CIB3: variants seen among roughly 807,000 people sequenced by gnomAD.
CIB3 encodes the protein calcium and integrin binding family member 3.
In CIB3, 22 loss-of-function variants were observed where a neutral mutation model predicts 23.4. The ratio of observed to expected loss-of-function variants is 0.94; its 90% CI spans 0.67 to 1.34. The LOEUF (loss-of-function observed/expected upper bound fraction) is 1.34. Among genes scored for constraint, CIB3 ranks in the 40% most tolerant of loss-of-function variants. The pLI is 0.00. For synonymous variants in CIB3, 93 were observed against 95.8 expected (o/e 0.97, Z 0.17); for missense variants, 258 against 247.3 (o/e 1.04, Z -0.29).
At chr19:16,171,004 G>T (rs1479925853) in intron 2 of CIB3, among the ~76,000 whole-genome samples, 1 of 151,860 alleles carries the variant, frequency 6.6e-6, no homozygotes, top group African/African-American at 2.4e-5. Flanking sequence ...CAGGCGTGGT[G>T]GTGGGCGCCT....
At position 16,169,231 on chromosome 19, in the gene CIB3, C is replaced by G. The variant is rs375901781; in HGVS notation, c.198+399G>C. On this transcript the variant is annotated intron_variant, in intron 3 of 5. Coordinates refer to ENST00000269878, the MANE Select transcript of CIB3 (RefSeq NM_054113.4). ...AGATCTCTGCTCACTGCAACCTCCACCTCCTGAGTTCAAGCAATTCTCCTG... is the reference window on the plus strand; with the variant it reads ...AGATCTCTGCTCACTGCAACCTCCAGCTCCTGAGTTCAAGCAATTCTCCTG... 1.1e-4 allele frequency among the ~76,000 whole-genome samples: 16 copies of G among 152,150 alleles called. No homozygotes were observed. In the East Asian group the frequency reaches 1.3e-3, roughly 13 times the overall value.
chr19:16,170,717 G>T (rs1040504121), intron 2 of CIB3, among the ~76,000 whole-genome samples: 2 of 152,062 alleles, frequency 1.3e-5, no homozygotes, highest in African/African-American at 2.4e-5. Context: ...AACTACTCGG[G>T]AGGCCGAGGC....
At chr19:16,163,633 A>G (rs892318555) in intron 5 of CIB3, among the ~76,000 whole-genome samples, 1 of 152,238 alleles carries the variant, frequency 6.6e-6, no homozygotes, top group Non-Finnish European at 1.5e-5. Context: ...AATTCAAAAA[A>G]TAAAAAATAA....
intron 2 of CIB3, among the ~76,000 whole-genome samples, chr19:16,172,852 TGAG>T (rs893713739): frequency 6.6e-6 from 1 of 151,152 alleles, no homozygotes; most frequent in Non-Finnish European, 1.5e-5. Context: ...CTCGAGAGGC[TGAG>T]GTGGGAGGAT....
Position 16,168,145 on chromosome 19 carries a change from T to C in CIB3, c.338A>G (p.Lys113Arg). The change falls in exon 4 of 6, where the codon AAA (lysine) becomes AGA (arginine). Residue 113 changes from lysine to arginine, a missense_variant. Physicochemically the swap from Lys to Arg is conservative, Grantham distance 26. Transcript: ENST00000269878. ...CAGGGCCACGCACGCACCATAAATT[T>C]TAAAAGCATAGTAAGCCTTGAGGTC... ...PRDLKAYYAFKIYDFNNDDYI... is the reference protein window; with the variant it reads ...PRDLKAYYAFRIYDFNNDDYI... The C allele has an allele frequency of 2.5e-6, 4 of 1,608,348 alleles. No individual in the cohort carries two copies. The highest frequency in any genetic ancestry group is 3.4e-6 in the Non-Finnish European group (4 of 1,177,446).
At position 16,164,885 on chromosome 19, in the gene CIB3, C is replaced by T. The variant is rs772196505; in HGVS notation, c.375G>A (p.Ala125=). The T allele has an allele frequency of 2.4e-5, 39 of 1,613,974 alleles. 1 individual carries two copies. In the East Asian group the frequency reaches 4.2e-4, roughly 18 times the overall value. ...TGGTCACCGTCTGCTCCAGGTCCCA[C>T]GCACAAATGTAGTCGTCGTTGTTAA... The part of the protein sequence containing the change: ...YDFNNDDYIC[A]WDLEQTVTKL... The change falls in exon 5 of 6, where the codon GCG becomes GCA. Residue 125 remains alanine, a synonymous_variant. Transcript: ENST00000269878.
chr19:16,173,521 C>A lies in CIB3; in HGVS notation c.-46G>T. 1.3e-6 allele frequency: 2 copies of A among 1,571,774 alleles called. No homozygotes were observed. Among genetic ancestry groups the A allele is most frequent in the South Asian group, 2.2e-5 (2 of 90,200 alleles). ...CTTGGGGATGCACCCCAAAGGCTCC[C>A]AGCTTCCTCGGGGCCACACGGGTTG... On this transcript the variant is annotated 5_prime_UTR_variant, in exon 1 of 6. Transcript: ENST00000269878.
intron 5 of CIB3, among the ~76,000 whole-genome samples, chr19:16,164,395 T>C (rs1363584976): frequency 6.6e-6 from 1 of 152,234 alleles, no homozygotes; most frequent in Non-Finnish European, 1.5e-5. Context: ...TACTTTGCCC[T>C]GCAGTGGCGG....
chr19:16,168,211 A>G lies in CIB3; in HGVS notation c.272T>C (p.Phe91Ser). 1 of 1,613,510 alleles carries G rather than the reference A, an allele frequency of 6.2e-7. No individual in the cohort carries two copies. The highest frequency in any genetic ancestry group is 8.5e-7 in the Non-Finnish European group (1 of 1,179,824). Reference protein sequence around the residue: ...DGDGHMTLDNFLDMFSVMSEM... With the variant: ...DGDGHMTLDNSLDMFSVMSEM... ...ACTCATCACGGAAAACATGTCCAAA[A>G]AGTTGTCCAGGGTCATGTGGCCATC... Residue 91 changes from phenylalanine to serine, a missense_variant, in exon 4 of 6, where the codon TTT becomes TCT. Physicochemically the swap from Phe to Ser is radical, Grantham distance 155. Coordinates refer to ENST00000269878, the MANE Select transcript of CIB3 (RefSeq NM_054113.4).
rs1330252981 is a variant in CIB3, at chr19:16,165,063, G to A, written c.347-150C>T. The A allele has an allele frequency of 7.5e-6, 5 of 667,308 alleles. No homozygotes were observed. The Admixed American group carries it at 1.0e-4, about 14-fold the overall frequency. 41.3% of individuals were successfully genotyped at this position (667,308 alleles called of 1,614,324 possible). A position where few individuals can be genotyped will look rare whatever the true frequency, so the allele number is the denominator to read the frequency against. The stretch of plus-strand genomic sequence containing the variant: ...AATCCCAACACTTTGGGAGGCTGAG[G>A]AGGGTGGAACACCTGAGGTCAGGAG... On this transcript the variant is annotated intron_variant, in intron 4 of 5. Coordinates refer to ENST00000269878, the MANE Select transcript of CIB3 (RefSeq NM_054113.4).
intron 1 of CIB3, 49 bp from the exon 2 acceptor site, chr19:16,173,245 CTCCCACGGCCT>C (rs1297459032): frequency 2.5e-6 from 4 of 1,612,970 alleles, no homozygotes; most frequent in Non-Finnish European, 3.4e-6. Context: ...CTGGGGCCTC[CTCCCACGGCCT>C]CCTCCCTCCA....
intron 2 of CIB3, among the ~76,000 whole-genome samples, chr19:16,171,325 G>C (rs2091327510): frequency 6.6e-6 from 1 of 152,024 alleles, no homozygotes; most frequent in South Asian, 2.1e-4. Flanking sequence ...AGATTATAAG[G>C]CCAGTTCTCC....
chr19:16,164,132 G>A (rs2145077227), intron 5 of CIB3, among the ~76,000 whole-genome samples: 1 of 152,000 alleles, frequency 6.6e-6, no homozygotes, highest in South Asian at 2.1e-4. Flanking sequence ...CACCATACCT[G>A]GCTATTTATT....
intron 4 of CIB3, among the ~76,000 whole-genome samples, chr19:16,166,029 T>C (rs1325421868): frequency 1.3e-5 from 2 of 152,174 alleles, no homozygotes; most frequent in Non-Finnish European, 1.5e-5. Flanking sequence ...CAGTGGCTCA[T>C]GCCTGTAATC....
intron 4 of CIB3, among the ~76,000 whole-genome samples, chr19:16,165,471 T>A (rs1292976223): frequency 2.0e-5 from 3 of 150,954 alleles, no homozygotes; most frequent in Non-Finnish European, 3.0e-5. Context: ...TGAGACGGAG[T>A]CTCGCTCTGT....
intron 3 of CIB3, 130 bp from the exon 4 acceptor site, chr19:16,168,414 A>T: frequency 7.6e-7 from 1 of 1,307,540 alleles, no homozygotes; most frequent in Non-Finnish European, 1.0e-6. Context: ...ACTCCCTCCC[A>T]TGGTCCCTGG....
chr19:16,161,653 A>G (rs1279783961), intron 5 of CIB3, among the ~76,000 whole-genome samples, 167 bp from the exon 6 acceptor site: 1 of 147,832 alleles, frequency 6.8e-6, no homozygotes, highest in Non-Finnish European at 1.5e-5. Flanking sequence ...CTGAGAGCAC[A>G]TGCCTTTAAT....
chr19:16,171,817 G>A (rs2091329349), intron 2 of CIB3, among the ~76,000 whole-genome samples: 1 of 152,196 alleles, frequency 6.6e-6, no homozygotes, highest in Non-Finnish European at 1.5e-5. Context: ...CCAAACAATG[G>A]GGCTCACTAG....
intron 1 of CIB3, 83 bp downstream of exon 1, chr19:16,173,342 G>C (rs2091338596): frequency 1.9e-6 from 3 of 1,552,826 alleles, no homozygotes; most frequent in Non-Finnish European, 2.7e-6. Context: ...GGTACACCCA[G>C]ATGAAGGCAT....
Sources: gnomAD v4.1 joint callset for allele counts (sites outside exome capture counted in the v4.1 genomes callset) on GRCh38, gnomAD v4.1.1 for gene constraint, MANE v1.5 for transcripts, NCBI Gene and HGNC (gene_info 2026-07-23, HGNC 2026-07-21) for gene names.